ANKRD26: variants seen among roughly 807,000 people sequenced by gnomAD.
ANKRD26 encodes ankyrin repeat domain 26.
In ANKRD26, 141 loss-of-function variants were observed where a neutral mutation model predicts 208.7. The ratio of observed to expected loss-of-function variants is 0.68; its 90% CI spans 0.59 to 0.78. ANKRD26 has a LOEUF of 0.78. Among genes scored for constraint, ANKRD26 ranks in the 30% least tolerant of loss-of-function variants. ANKRD26 has a pLI of 0.00. For synonymous variants in ANKRD26, 636 were observed against 660.4 expected, an observed-to-expected ratio of 0.96 and a Z score of 0.57; for missense variants, 1,889 against 1,938.7, an observed-to-expected ratio of 0.97 and a Z score of 0.48.
intron 5 of ANKRD26, among the ~76,000 whole-genome samples, chr10:27,083,140 T>C (rs2055989475): frequency 6.6e-6 from 1 of 152,154 alleles, no homozygotes; most frequent in Admixed American, 6.6e-5. Context: ...GCCCCCTAAC[T>C]TTTTACACTC....
intron 15 of ANKRD26, among the ~76,000 whole-genome samples, chr10:27,054,449 G>A (rs189691938): frequency 4.6e-5 from 7 of 152,206 alleles, no homozygotes; most frequent in Admixed American, 2.6e-4. Flanking sequence ...GCTGGGCGTG[G>A]TGGTGTGTGC....
At position 27,043,483 on chromosome 10, in the gene ANKRD26, G is replaced by A. The variant is rs775226234; in HGVS notation, c.2104C>T (p.His702Tyr). 5 of 1,613,814 alleles carry A rather than the reference G, an allele frequency of 3.1e-6. No individual in the cohort carries two copies. Among genetic ancestry groups the A allele is most frequent in the African/African-American group, 2.7e-5 (2 of 74,934 alleles). The change falls in exon 20 of 34, where the codon CAC becomes TAC. Residue 702 changes from histidine to tyrosine, a missense_variant. His to Tyr is a moderately conservative substitution (Grantham distance 83, BLOSUM62 2). Around this residue, in one of 3 missense-constraint regions of ANKRD26, gnomAD observed 1,272 missense variants for 1,273.8 expected, o/e 1.00. Coordinates refer to ENST00000376087, the MANE Select transcript of ANKRD26 (RefSeq NM_014915.3). ...ETASEDCELPHSSYKNFMLLI... is the reference protein window; with the variant it reads ...ETASEDCELPYSSYKNFMLLI... ...AACATAAAATTCTTGTAACTAGAGT[G>A]GGGTAGCTCACAATCCTCTGAGGCT...
downstream of ANKRD26, among the ~76,000 whole-genome samples, chr10:26,972,666 C>G (rs1291206092): frequency 6.7e-6 from 1 of 149,414 alleles, no homozygotes; most frequent in Non-Finnish European, 1.5e-5. Context: ...TCTTGGCTCA[C>G]TGCAAGTTCC....
At chr10:26,987,347 G>T (rs551335668), downstream of ANKRD26, among the ~76,000 whole-genome samples, 1 of 152,162 alleles carries the variant, frequency 6.6e-6, no homozygotes, top group South Asian at 2.1e-4. Context: ...CAGTTAATGG[G>T]TGCAGCACAC....
chr10:26,974,938 T>G (rs948910089), exon 6 of ANKRD26, among the ~76,000 whole-genome samples: 1 of 152,180 alleles, frequency 6.6e-6, no homozygotes, highest in Non-Finnish European at 1.5e-5. Flanking sequence ...TTAGAATCTC[T>G]TTTTCTTTGA....
chr10:27,043,623 A>C (rs1445782484), intron 19 of ANKRD26, 56 bp from the exon 20 acceptor site: 1 of 1,527,894 alleles, frequency 6.5e-7, no homozygotes, highest in African/African-American at 1.4e-5. Flanking sequence ...TAGCACATAC[A>C]GAAGTGGTAA....
the ANKRD26 span, among the ~76,000 whole-genome samples, chr10:26,957,276 C>T: frequency 6.6e-6 from 1 of 152,074 alleles, no homozygotes; most frequent in Non-Finnish European, 1.5e-5. Context: ...TGGTCCCAGC[C>T]ATTTGGGTGG....
At chr10:26,953,066 T>C in the ANKRD26 span, among the ~76,000 whole-genome samples, 1 of 152,216 alleles carries the variant, frequency 6.6e-6, no homozygotes, top group Non-Finnish European at 1.5e-5. Context: ...AAACATAATA[T>C]TGATTATACT....
chr10:26,958,627 T>C, the ANKRD26 span, among the ~76,000 whole-genome samples: 1 of 152,202 alleles, frequency 6.6e-6, no homozygotes, highest in Admixed American at 6.5e-5. Flanking sequence ...TCCATGTCCC[T>C]GCAAAGGACA....
chr10:26,985,997 C>T (rs1006146003), intron 3 of ANKRD26, among the ~76,000 whole-genome samples: 1 of 152,072 alleles, frequency 6.6e-6, no homozygotes, highest in Non-Finnish European at 1.5e-5. Flanking sequence ...AAGAACAAAG[C>T]TGGAGGCATC....
At chr10:27,033,091 A>T in intron 25 of ANKRD26, 134 bp downstream of exon 25, 1 of 576,162 alleles carries the variant, frequency 1.7e-6, no homozygotes. Flanking sequence ...TCAAAAAAAA[A>T]AAAAAGATAA....
chr10:26,953,283 C>T, the ANKRD26 span, among the ~76,000 whole-genome samples: 30 of 151,956 alleles, frequency 2.0e-4, no homozygotes, highest in Admixed American at 1.8e-3. Context: ...ATTAGCCAGG[C>T]GTGGTGGTGT....
intron 23 of ANKRD26, 143 bp downstream of exon 23, chr10:27,037,043 C>G (rs192171184): frequency 5.8e-4 from 449 of 776,994 alleles, no homozygotes; most frequent in Non-Finnish European, 7.8e-4. Context: ...ACCAAAAACA[C>G]TACCACTACC....
intron 17 of ANKRD26, 82 bp from the exon 18 acceptor site, chr10:27,046,605 A>G: frequency 7.4e-7 from 1 of 1,352,130 alleles, no homozygotes; most frequent in Non-Finnish European, 1.0e-6. Context: ...GTTAAGGAAA[A>G]GAAAGAATAA....
At chr10:26,972,170 G>A (rs938155761), downstream of ANKRD26, among the ~76,000 whole-genome samples, 2 of 151,054 alleles carry the variant, frequency 1.3e-5, no homozygotes, top group East Asian at 1.9e-4. Flanking sequence ...GGGAGGCGGA[G>A]CTTGCAGTGA....
chr10:26,998,539 CTGA>C (rs2052646858), intron 4 of ANKRD26, among the ~76,000 whole-genome samples: 2 of 152,202 alleles, frequency 1.3e-5, no homozygotes, highest in Non-Finnish European at 2.9e-5. Context: ...TGGTAAAGGT[CTGA>C]ATGACCTGGG....
chr10:27,060,223 A>T lies in ANKRD26; in HGVS notation c.1564+122T>A, dbSNP rs540011008. ...GTCTCAATTAAAAAAAAATTTTTTT[A>T]AATCCTTCCAACAAATTTGGAGAAA... is the stretch of plus-strand genomic sequence containing the variant. On this transcript the variant is annotated intron_variant, in intron 15 of 33. Coordinates refer to ENST00000376087, the MANE Select transcript of ANKRD26 (RefSeq NM_014915.3). 34 of 1,012,292 alleles carry T rather than the reference A, an allele frequency of 3.4e-5. No homozygotes were observed. The South Asian group carries it at 4.5e-4, about 13-fold the overall frequency. 62.7% of individuals were successfully genotyped at this position (1,012,292 alleles called of 1,614,324 possible).
intron 4 of ANKRD26, 45 bp downstream of exon 4, chr10:27,092,361 T>TA (rs2056327169): frequency 6.8e-7 from 1 of 1,461,172 alleles, no homozygotes; most frequent in East Asian, 2.3e-5. Context: ...AAAAAACTTT[T>TA]AAACATACAA....
In ANKRD26 at chr10:27,093,421, A is replaced by G; in HGVS notation, c.459T>C (p.Ala153=). Residue 153 remains alanine (A), a synonymous_variant, in exon 3 of 34, where the codon GCT becomes GCC. Transcript: ENST00000376087. ...DVHGNTALHY[A]VYNEDISVAT... ...CTACTGATATGTCCTCATTATAGAC[A>G]GCATAGTGAAGAGCAGTGTTGCCAT... is the stretch of plus-strand genomic sequence containing the variant. 1 of 1,614,190 alleles carries G rather than the reference A, an allele frequency of 6.2e-7. No homozygotes were observed. The highest frequency in any genetic ancestry group is 8.5e-7 in the Non-Finnish European group (1 of 1,180,016).
Sources: allele counts gnomAD v4.1 joint callset (sites outside exome capture counted in the v4.1 genomes callset), GRCh38; gene constraint gnomAD v4.1.1; regional missense constraint gnomAD v4.1.1; transcripts MANE v1.5; gene names NCBI Gene and HGNC (gene_info 2026-07-23, HGNC 2026-07-21).